ATG10: variants seen among roughly 807,000 people sequenced by gnomAD.
ATG10 encodes the protein autophagy related 10, also known as ubiquitin-like-conjugating enzyme ATG10.
ATG10 carries 30 observed loss-of-function variants against 32.1 expected under a neutral mutation model. The ratio of observed to expected loss-of-function variants is 0.94; its 90% CI spans 0.70 to 1.27. The LOEUF is 1.27. Among genes scored for constraint, ATG10 ranks in the 50% most tolerant of loss-of-function variants. The pLI, the probability that ATG10 is intolerant of heterozygous loss-of-function variation, is 0.00. For synonymous variants in ATG10, 87 were observed against 91.5 expected (o/e 0.95, Z 0.28); for missense variants, 233 against 262.3 (o/e 0.89, Z 0.77).
At chr5:82,092,723 A>G (rs1480688110) in intron 3 of ATG10, among the ~76,000 whole-genome samples, 1 of 152,206 alleles carries the variant, frequency 6.6e-6, no homozygotes, top group East Asian at 1.9e-4. Context: ...CACATCTGTC[A>G]CATCTTATTG....
intron 2 of ATG10, among the ~76,000 whole-genome samples, chr5:82,053,544 T>C (rs1179521272): frequency 1.3e-5 from 2 of 152,188 alleles, no homozygotes; most frequent in Non-Finnish European, 2.9e-5. Flanking sequence ...TGTGTTCTCC[T>C]ATATTTTCAT....
chr5:82,000,427 C>T (rs149251807), intron 2 of ATG10, among the ~76,000 whole-genome samples: 1 of 152,282 alleles, frequency 6.6e-6, no homozygotes, highest in East Asian at 1.9e-4. Flanking sequence ...TGCCCTCTCT[C>T]ATCACTCCTA....
intron 5 of ATG10, among the ~76,000 whole-genome samples, chr5:82,249,583 A>G (rs13178389): frequency 1.3e-5 from 2 of 152,180 alleles, no homozygotes; most frequent in African/African-American, 2.4e-5. Flanking sequence ...GTCACAGTCA[A>G]TCTCTGAGAC....
intron 2 of ATG10, among the ~76,000 whole-genome samples, chr5:81,997,975 C>T (rs978277424): frequency 5.3e-5 from 8 of 152,188 alleles, no homozygotes; most frequent in East Asian, 3.8e-4. Context: ...TTCAGGATAT[C>T]GTCCATGCAA....
At chr5:82,112,368 T>A (rs1352494869) in intron 3 of ATG10, among the ~76,000 whole-genome samples, 1 of 151,916 alleles carries the variant, frequency 6.6e-6, no homozygotes, top group Non-Finnish European at 1.5e-5. Flanking sequence ...ATCTTTTGTA[T>A]AGGTACTGTA....
rs546461396 is a variant in ATG10 at position 82,027,355 on chromosome 5, C to T, written c.109-31140C>T. Reference sequence around the variant, plus strand: ...TTGAGGCTGTGGTAAGCTATGATTGCGCCGCTGCACTCTAGCTGGGGTGAC... The same window carrying T: ...TTGAGGCTGTGGTAAGCTATGATTGTGCCGCTGCACTCTAGCTGGGGTGAC... On this transcript the variant is annotated intron_variant, in intron 2 of 7. Transcript: ENST00000282185. Among the ~76,000 whole-genome samples, 182 of 152,010 alleles carry T rather than the reference C, an allele frequency of 1.2e-3. 2 individuals are homozygous for T. Among genetic ancestry groups the T allele is most frequent in the Admixed American group, 2.3e-3 (35 of 15,250 alleles).
chr5:82,241,462 C>T (rs1746798653), intron 5 of ATG10, among the ~76,000 whole-genome samples: 1 of 152,156 alleles, frequency 6.6e-6, no homozygotes. Context: ...AAGTCCTTTC[C>T]ATGCATTATG....
intron 3 of ATG10, among the ~76,000 whole-genome samples, chr5:82,158,380 A>T (rs968296468): frequency 2.2e-5 from 3 of 138,322 alleles, no homozygotes; most frequent in Non-Finnish European, 4.6e-5. Flanking sequence ...TGGGTTCCGT[A>T]TCCATGGATT....
At chr5:82,153,709 G>A (rs917034505) in intron 3 of ATG10, among the ~76,000 whole-genome samples, 1 of 151,936 alleles carries the variant, frequency 6.6e-6, no homozygotes, top group Non-Finnish European at 1.5e-5. Flanking sequence ...TAGATTTGGA[G>A]GTAAAATTTT....
At chr5:82,057,013 G>T (rs1168943594) in intron 2 of ATG10, among the ~76,000 whole-genome samples, 1 of 152,092 alleles carries the variant, frequency 6.6e-6, no homozygotes, top group African/African-American at 2.4e-5. Flanking sequence ...CTACAAAATG[G>T]ATATCCTTAA....
chr5:82,023,630 T>G (rs1234601154), intron 2 of ATG10, among the ~76,000 whole-genome samples: 2 of 152,252 alleles, frequency 1.3e-5, no homozygotes, highest in African/African-American at 2.4e-5. Flanking sequence ...TAAAATCCTT[T>G]TTCATCAGAT....
chr5:82,144,392 G>T (rs1767265318), intron 3 of ATG10, among the ~76,000 whole-genome samples: 1 of 151,590 alleles, frequency 6.6e-6, no homozygotes, highest in Non-Finnish European at 1.5e-5. Context: ...TCTTTTTAAG[G>T]TTGAAAGTTA....
At chr5:82,152,617 A>G (rs1420181153) in intron 3 of ATG10, among the ~76,000 whole-genome samples, 1 of 152,222 alleles carries the variant, frequency 6.6e-6, no homozygotes, top group Non-Finnish European at 1.5e-5. Flanking sequence ...GCCTGAGCAA[A>G]GAGCTGGGTA....
At chr5:82,001,952 A>G (rs938995924) in intron 2 of ATG10, among the ~76,000 whole-genome samples, 1 of 152,200 alleles carries the variant, frequency 6.6e-6, no homozygotes, top group Non-Finnish European at 1.5e-5. Flanking sequence ...AAAAAACCCA[A>G]TCCCATTAAA....
chr5:82,139,869 C>A (rs1268963900), intron 3 of ATG10, among the ~76,000 whole-genome samples: 1 of 142,300 alleles, frequency 7.0e-6, no homozygotes, highest in Admixed American at 6.8e-5. Context: ...CCCGGCCAGC[C>A]GCCCCGTCCG....
chr5:82,065,662 G>T (rs973025507), intron 3 of ATG10, among the ~76,000 whole-genome samples: 14 of 151,918 alleles, frequency 9.2e-5, no homozygotes, highest in African/African-American at 2.7e-4. Context: ...TTTTCTTAGA[G>T]AAATTGAGAT....
chr5:82,119,561 A>G (rs907191718), intron 3 of ATG10, among the ~76,000 whole-genome samples: 2 of 152,054 alleles, frequency 1.3e-5, no homozygotes, highest in African/African-American at 2.4e-5. Context: ...CCTGGGTTCA[A>G]GTGATTCTCC....
chr5:82,206,985 T>G (rs903736045), intron 5 of ATG10, among the ~76,000 whole-genome samples: 5 of 152,236 alleles, frequency 3.3e-5, no homozygotes, highest in African/African-American at 1.2e-4. Context: ...TCATTAATTT[T>G]TATTGCTATA....
At chr5:82,142,088 A>G (rs1329917876) in intron 3 of ATG10, among the ~76,000 whole-genome samples, 1 of 152,246 alleles carries the variant, frequency 6.6e-6, no homozygotes, top group East Asian at 1.9e-4. Context: ...GCTTAGACAC[A>G]GATGAAGCAG....
Sources: gnomAD v4.1 joint callset for allele counts (sites outside exome capture counted in the v4.1 genomes callset) on GRCh38, gnomAD v4.1.1 for gene constraint, MANE v1.5 for transcripts, NCBI Gene and HGNC (gene_info 2026-07-23, HGNC 2026-07-21) for gene names.